Variants in EPHB4 observed in about 807,000 individuals in gnomAD.
EPHB4 encodes the protein ephrin type-B receptor 4.
A neutral mutation model predicts 110.6 loss-of-function variants in EPHB4; 50 were observed. The ratio of observed to expected loss-of-function variants is 0.45; its 90% CI spans 0.36 to 0.57. The LOEUF (loss-of-function observed/expected upper bound fraction) is 0.57, where lower values mean the gene tolerates loss of function less well. Among genes scored for constraint, EPHB4 ranks in the 20% least tolerant of loss-of-function variants. The pLI, the probability that EPHB4 is intolerant of heterozygous loss-of-function variation, is 0.00. For synonymous variants in EPHB4, 592 were observed against 578.4 expected, an observed-to-expected ratio of 1.02 and a Z score of -0.34; for missense variants, 1,128 against 1,382.1, an observed-to-expected ratio of 0.82 and a Z score of 2.91.
rs763548435 is a variant in EPHB4 at position 100,822,717 on chromosome 7, C to T, written c.412-50G>A. On this transcript the variant is annotated intron_variant, in intron 3 of 16. Coordinates refer to ENST00000358173, the MANE Select transcript of EPHB4 (RefSeq NM_004444.5). This position sits in a 1 kb window ranked among gnomAD's most constrained non-coding sequence, Gnocchi z 4.7. ...GCTGCTGTCCCCACTCCCTGAGGAC[C>T]CAGCGGACTGTTGTGTTCTTCCCAG... 349 of 1,469,782 alleles carry T rather than the reference C, an allele frequency of 2.4e-4. 1 individual carries two copies. Among genetic ancestry groups the T allele is most frequent in the Middle Eastern group, 1.7e-3 (9 of 5,366 alleles). 91.0% of individuals were successfully genotyped at this position (1,469,782 alleles called of 1,614,324 possible). A position where few individuals can be genotyped will look rare whatever the true frequency, so the allele number is the denominator to read the frequency against.
At chr7:100,815,935 C>A (rs1813055514) in intron 8 of EPHB4, among the ~76,000 whole-genome samples, 1 of 152,108 alleles carries the variant, frequency 6.6e-6, no homozygotes, top group South Asian at 2.1e-4. Flanking sequence ...CTGCAATGAG[C>A]TATGATGGTG....
chr7:100,824,078 C>G (rs1813312151), intron 2 of EPHB4, 125 bp downstream of exon 2: 2 of 1,528,194 alleles, frequency 1.3e-6, no homozygotes, highest in Admixed American at 3.5e-5. Flanking sequence ...TCAGACGACA[C>G]TGCTGGGGCT....
At chr7:100,818,370 A>C in intron 7 of EPHB4, 150 bp downstream of exon 7, 1 of 1,169,872 alleles carries the variant, frequency 8.5e-7, no homozygotes, top group South Asian at 1.5e-5. Flanking sequence ...TCTGAGGCTC[A>C]GACAGGCCAA....
intron 6 of EPHB4, among the ~76,000 whole-genome samples, chr7:100,819,139 A>G (rs1336315967): frequency 2.0e-5 from 3 of 150,746 alleles, no homozygotes; most frequent in Non-Finnish European, 4.4e-5. Flanking sequence ...AGAGGATCTC[A>G]CACTGCTCTG....
At chr7:100,826,287 G>C (rs1381969361) in intron 1 of EPHB4, among the ~76,000 whole-genome samples, 1 of 151,810 alleles carries the variant, frequency 6.6e-6, no homozygotes, top group African/African-American at 2.4e-5. Flanking sequence ...TTTCTACCTG[G>C]GGGCTGTGTA....
chr7:100,816,533 C>T (rs181986351), intron 8 of EPHB4, among the ~76,000 whole-genome samples: 119 of 152,088 alleles, frequency 7.8e-4, no homozygotes, highest in Admixed American at 4.1e-3. Context: ...GCGGTTTCAC[C>T]ATGCTGGTCA....
intron 8 of EPHB4, among the ~76,000 whole-genome samples, chr7:100,814,959 A>G (rs529279369): frequency 6.6e-6 from 1 of 151,456 alleles, no homozygotes; most frequent in Admixed American, 6.6e-5. Flanking sequence ...TGAGGCTGCA[A>G]TGCACTATGA....
In EPHB4 at chr7:100,820,171, G is replaced by A. The variant is rs904491005; in HGVS notation, c.934C>T (p.Arg312Cys). ...CAGGGTGCACCCCGGGGGTCTGTGCGTGCCCGGAAGTACCCGACGCGGCAC... is the reference window on the plus strand; with the variant it reads ...CAGGGTGCACCCCGGGGGTCTGTGCATGCCCGGAAGTACCCGACGCGGCAC... ...CQCRVGYFRA[R>C]TDPRGAPCTT... is the part of the protein sequence containing the mutation. The change falls in exon 5 of 17, where the codon CGC becomes TGC. Residue 312 changes from arginine to cysteine, a missense_variant. This residue lies in a region of EPHB4 where 728 missense variants were observed against 828.6 expected (regional missense o/e 0.88). Transcript: ENST00000358173. 3.1e-6 allele frequency: 5 copies of A among 1,614,034 alleles called. No individual in the cohort carries two copies. Among genetic ancestry groups the A allele is most frequent in the Non-Finnish European group, 4.2e-6 (5 of 1,180,016 alleles).
chr7:100,807,646 A>T, intron 12 of EPHB4, 66 bp from the exon 13 acceptor site: 2 of 1,498,128 alleles, frequency 1.3e-6, no homozygotes, highest in African/African-American at 1.4e-5. Context: ...TCCCATCCAC[A>T]TCTTTTTTTT....
In EPHB4 at chr7:100,817,528, C is replaced by CT. The variant is rs1037350114; in HGVS notation, c.1423-172dup. On this transcript the variant is annotated intron_variant, in intron 7 of 16. Transcript: ENST00000358173. ...ATGTGCTGTATTCATAATATCATTCCTTTTTTTTAAGACAAGGTCTCACTT... is the reference window on the plus strand; with the variant it reads ...ATGTGCTGTATTCATAATATCATTCCTTTTTTTTTAAGACAAGGTCTCACTT... Among the ~76,000 whole-genome samples, 5 of 151,928 alleles carry CT rather than the reference C, an allele frequency of 3.3e-5. No individual in the cohort carries two copies. The East Asian group carries it at 7.7e-4, about 23-fold the overall frequency.
chr7:100,826,955 G>A (rs752459271), intron 1 of EPHB4, 24 bp downstream of exon 1: 5 of 1,485,256 alleles, frequency 3.4e-6, no homozygotes, highest in East Asian at 2.6e-5. Context: ...GACGGGGTGC[G>A]CCCCCCCCCG....
chr7:100,826,740 G>A, intron 1 of EPHB4: 1 of 437,342 alleles, frequency 2.3e-6, no homozygotes, highest in South Asian at 4.9e-5. Flanking sequence ...GCCCGGGCAG[G>A]GGAATGTCCC....
rs756007675 is a variant in EPHB4 at position 100,819,736 on chromosome 7, C to G, written c.1118G>C (p.Cys373Ser). The G allele has an allele frequency of 6.2e-7, 1 of 1,610,612 alleles. No individual in the cohort carries two copies. The highest frequency in any genetic ancestry group is 1.1e-5 in the South Asian group (1 of 90,842). The change falls in exon 6 of 17, where the codon TGC becomes TCC. Residue 373 changes from cysteine (C) to serine (S), a missense_variant. By Grantham distance (112) the Cys-to-Ser change is moderately radical (BLOSUM62 -1). Coordinates refer to ENST00000358173, the MANE Select transcript of EPHB4 (RefSeq NM_004444.5). ...GGGGTCAAAAGTCAGGTCTCCCCCG[C>G]AGGGCGCACAGGAGCCTCCGGGTCG... ...ECRPGGSCAP[C>S]GGDLTFDPGP...
In EPHB4 at chr7:100,813,690, T is replaced by C. The variant is rs1813001012; in HGVS notation, c.1718A>G (p.Glu573Gly). The C allele has an allele frequency of 6.2e-7, 1 of 1,613,996 alleles. No homozygotes were observed. The highest frequency in any genetic ancestry group is 1.3e-5 in the African/African-American group (1 of 74,902). ...ATACTGTCCGTGTTTGTCCGAATAT[T>C]CTGCTTCTCTCCCATTGCTCTGCTT... ...LRKQSNGREA[E>G]YSDKHGQYLI... The change falls in exon 10 of 17, where the codon GAA becomes GGA. Residue 573 changes from glutamate to glycine, a missense_variant. Transcript: ENST00000358173.
At position 100,807,573 on chromosome 7, in the gene EPHB4, T is replaced by G; in HGVS notation, c.2126A>C (p.Asp709Ala). 12 of 1,612,398 alleles carry G rather than the reference T, an allele frequency of 7.4e-6. No individual in the cohort carries two copies. The highest frequency in any genetic ancestry group is 1.0e-5 in the Non-Finnish European group (12 of 1,179,028). Residue 709 changes from aspartate (D) to alanine (A), a missense_variant, in exon 13 of 17, where the codon GAC becomes GCC. This residue lies in a region of EPHB4 where 191 missense variants were observed against 313.0 expected (regional missense o/e 0.61). Coordinates refer to ENST00000358173, the MANE Select transcript of EPHB4 (RefSeq NM_004444.5). ...GAGCTGGATGACTGTGAACTGTCCG[T>G]CGTTTAGCTGGAGAGCAGATAGGGT... ...GALDSFLRLN[D>A]GQFTVIQLVG...
chr7:100,803,792 A>AG (rs1360437929), intron 16 of EPHB4, among the ~76,000 whole-genome samples: 1 of 152,156 alleles, frequency 6.6e-6, no homozygotes, highest in Non-Finnish European at 1.5e-5. Context: ...AGAAGGGGGT[A>AG]GGGCTGGAGG....
intron 7 of EPHB4, among the ~76,000 whole-genome samples, chr7:100,818,291 C>T (rs532785441): frequency 3.3e-4 from 50 of 152,282 alleles, no homozygotes; most frequent in African/African-American, 9.4e-4. Flanking sequence ...CGTGAGCCAC[C>T]GCACCCAACC....
rs1346983262 is a variant in EPHB4 at position 100,823,692 on chromosome 7, G to A, written c.363C>T (p.Asp121=). 6.2e-7 allele frequency: 1 copy of A among 1,613,430 alleles called. No individual in the cohort carries two copies. The highest frequency in any genetic ancestry group is 8.5e-7 in the Non-Finnish European group (1 of 1,179,974). The stretch of plus-strand genomic sequence containing the variant: ...AGGCTGGCGTGAGGGCCGTGGCCGT[G>A]TCCGCATCGCTCTCATAGTAGAAGA... ...FTVFYYESDA[D]TATALTPAWM... The change falls in exon 3 of 17, where the codon GAC becomes GAT. Residue 121 remains aspartate, a synonymous_variant. Transcript: ENST00000358173.
At position 100,805,171 on chromosome 7, in the gene EPHB4, A is replaced by C. The variant is rs1251711878; in HGVS notation, c.2829T>G (p.Ser943=). 14 of 1,612,522 alleles carry C rather than the reference A, an allele frequency of 8.7e-6. No individual in the cohort carries two copies. Among genetic ancestry groups the C allele is most frequent in the Non-Finnish European group, 1.2e-5 (14 of 1,179,412 alleles). Reference sequence around the variant, plus strand: ...CAGCTCCTGCCACTGCTTACTCAGCAGAGATCTGGCTGACCAGCTCGAAGG... The same window carrying C: ...CAGCTCCTGCCACTGCTTACTCAGCCGAGATCTGGCTGACCAGCTCGAAGG... ...FGSFELVSQI[S]AEDLLRIGVT... The change falls in exon 16 of 17, where the codon TCT becomes TCG. Residue 943 remains serine (S), a synonymous_variant. Transcript: ENST00000358173.
Sources: gnomAD v4.1 joint callset for allele counts (sites outside exome capture counted in the v4.1 genomes callset) on GRCh38, gnomAD v4.1.1 for gene constraint, gnomAD v4.1.1 regional missense constraint, Gnocchi (gnomAD v3.1) non-coding constraint, MANE v1.5 for transcripts, NCBI Gene and HGNC (gene_info 2026-07-23, HGNC 2026-07-21) for gene names.